The following CCDC171 variants were observed in gnomAD, a reference collection of about 807,000 sequenced individuals.
The protein encoded by CCDC171 is coiled-coil domain-containing protein 171.
Under a neutral mutation model 168.2 loss-of-function variants are expected in CCDC171, and 177 were observed. That is an observed-to-expected ratio of 1.05 (90% CI 0.93 to 1.19). The LOEUF (loss-of-function observed/expected upper bound fraction) is 1.19, where lower values mean the gene tolerates loss of function less well. CCDC171 is among the 50% of genes most tolerant of loss of function. The pLI, the probability that CCDC171 is intolerant of heterozygous loss-of-function variation, is 0.00. For synonymous variants in CCDC171, 687 were observed against 540.8 expected (o/e 1.27, Z -3.75); for missense variants, 1,991 against 1,539.0 (o/e 1.29, Z -4.91).
chr9:15,647,719 C>G (rs2047164093), intron 7 of CCDC171, among the ~76,000 whole-genome samples: 1 of 152,080 alleles, frequency 6.6e-6, no homozygotes, highest in Non-Finnish European at 1.5e-5. Flanking sequence ...TCCCAAAATA[C>G]ACCAGTAACA....
At chr9:15,573,118 C>T (rs2040364324) in intron 3 of CCDC171, among the ~76,000 whole-genome samples, 1 of 151,250 alleles carries the variant, frequency 6.6e-6, no homozygotes, top group Admixed American at 6.6e-5. Context: ...TGAGATCGTG[C>T]CACTGCACTC....
chr9:15,556,966 C>T (rs1055886121), intron 1 of CCDC171, among the ~76,000 whole-genome samples: 1 of 152,146 alleles, frequency 6.6e-6, no homozygotes, highest in Non-Finnish European at 1.5e-5. Context: ...TATGGCTAGC[C>T]AGTTTTCCCA....
intron 11 of CCDC171, among the ~76,000 whole-genome samples, chr9:15,709,207 TC>T (rs1293723244): frequency 1.3e-5 from 2 of 152,148 alleles, no homozygotes; most frequent in African/African-American, 4.8e-5. Context: ...TTAATTCTCC[TC>T]CTACTCCGAA....
intron 7 of CCDC171, among the ~76,000 whole-genome samples, chr9:15,640,454 C>G (rs563410887): frequency 5.8e-4 from 88 of 152,022 alleles, no homozygotes; most frequent in African/African-American, 2.0e-3. Context: ...ATGTATCATA[C>G]GAGGCCCCTT....
intron 10 of CCDC171, among the ~76,000 whole-genome samples, chr9:15,681,193 G>C (rs2050020801): frequency 6.6e-6 from 1 of 152,066 alleles, no homozygotes; most frequent in Non-Finnish European, 1.5e-5. Flanking sequence ...CTACTGTTTT[G>C]ATAATGATGC....
At chr9:15,721,947 C>A (rs919815752) in intron 12 of CCDC171, 72 bp downstream of exon 12, 1 of 649,312 alleles carries the variant, frequency 1.5e-6, no homozygotes, top group Middle Eastern at 2.8e-4. Flanking sequence ...TTGCTTGTTA[C>A]AAAGGTCAAA....
chr9:15,686,497 A>G (rs998303306), intron 10 of CCDC171, among the ~76,000 whole-genome samples: 1 of 152,060 alleles, frequency 6.6e-6, no homozygotes, highest in African/African-American at 2.4e-5. Context: ...CTTGGGCAAC[A>G]GAGTGAGACT....
intron 25 of CCDC171, among the ~76,000 whole-genome samples, chr9:15,944,276 A>C (rs1398037982): frequency 6.6e-6 from 1 of 151,968 alleles, no homozygotes; most frequent in Non-Finnish European, 1.5e-5. Flanking sequence ...AAAGTCATCT[A>C]CACTTAATTA....
At chr9:15,569,848 A>G (rs867789158) in intron 2 of CCDC171, among the ~76,000 whole-genome samples, 3 of 137,722 alleles carry the variant, frequency 2.2e-5, no homozygotes, top group Non-Finnish European at 4.5e-5. Context: ...CAAACAAACA[A>G]AAAAAAAATT....
At chr9:15,977,750 G>T (rs1249695149), downstream of CCDC171, among the ~76,000 whole-genome samples, 2 of 152,174 alleles carry the variant, frequency 1.3e-5, no homozygotes, top group African/African-American at 4.8e-5. Flanking sequence ...ATTTAGATCT[G>T]AAGAAGACTC....
At chr9:15,889,106 G>C (rs1819858306) in intron 24 of CCDC171, 1 of 151,520 alleles carries the variant, frequency 6.6e-6, no homozygotes, top group Non-Finnish European at 1.5e-5. Flanking sequence ...CCACAGGTGT[G>C]TGCCACCACA....
intron 3 of CCDC171, among the ~76,000 whole-genome samples, chr9:16,002,929 C>T (rs949248378): frequency 6.6e-6 from 1 of 152,228 alleles, no homozygotes. Flanking sequence ...GGCTACACTA[C>T]ATAGCCTAGA....
chr9:15,799,157 T>C (rs1192884452), intron 21 of CCDC171, among the ~76,000 whole-genome samples: 1 of 143,876 alleles, frequency 7.0e-6, no homozygotes, highest in East Asian at 2.0e-4. Context: ...TATATATATA[T>C]ATATATATAC....
At chr9:15,754,143 T>G (rs144627212) in intron 18 of CCDC171, among the ~76,000 whole-genome samples, 2 of 152,300 alleles carry the variant, frequency 1.3e-5, no homozygotes, top group Admixed American at 6.5e-5. Flanking sequence ...GTAATAAATA[T>G]AAAACCATAA....
intron 3 of CCDC171, among the ~76,000 whole-genome samples, chr9:16,000,801 C>T (rs1245821628): frequency 1.3e-5 from 2 of 152,014 alleles, no homozygotes; most frequent in Non-Finnish European, 2.9e-5. Context: ...TGTTATCTTC[C>T]CCTATTTCTT....
intron 1 of CCDC171, among the ~76,000 whole-genome samples, chr9:16,046,360 C>T (rs919032685): frequency 6.6e-6 from 1 of 152,154 alleles, no homozygotes; most frequent in Non-Finnish European, 1.5e-5. Flanking sequence ...AGACTTGGGT[C>T]TGCAGAGCTG....
At chr9:15,757,724 C>A (rs370556285) in intron 18 of CCDC171, among the ~76,000 whole-genome samples, 3 of 152,124 alleles carry the variant, frequency 2.0e-5, no homozygotes, top group African/African-American at 7.2e-5. Context: ...TGTCCAGTCC[C>A]AGGGTCCCCC....
At position 15,743,333 on chromosome 9, in the gene CCDC171, A is replaced by AT. The variant is rs1446613866; in HGVS notation, c.2050-932dup. Among the ~76,000 whole-genome samples the AT allele has an allele frequency of 3.3e-5, 5 of 150,342 alleles. No individual in the cohort carries two copies. In the East Asian group the frequency reaches 9.8e-4, roughly 30 times the overall value. On this transcript the variant is annotated intron_variant, in intron 16 of 25. Coordinates refer to ENST00000380701, the MANE Select transcript of CCDC171 (RefSeq NM_173550.4). ...GGTGTACACCACTATTCCTGTCTTAATTTTTTTTATTTTTTATTTGTGGAG... is the reference window on the plus strand; with the variant it reads ...GGTGTACACCACTATTCCTGTCTTAATTTTTTTTTATTTTTTATTTGTGGAG...
At chr9:15,969,593 A>G (rs1169905663) in intron 25 of CCDC171, among the ~76,000 whole-genome samples, 6 of 152,156 alleles carry the variant, frequency 3.9e-5, no homozygotes, top group African/African-American at 1.4e-4. Flanking sequence ...CTTAGACCAG[A>G]ACTTGAAGTA....
Sources: gnomAD v4.1 joint callset for allele counts (sites outside exome capture counted in the v4.1 genomes callset) on GRCh38, gnomAD v4.1.1 for gene constraint, MANE v1.5 for transcripts, NCBI Gene and HGNC (gene_info 2026-07-23, HGNC 2026-07-21) for gene names.